Variants in FBLIM1 observed in about 807,000 individuals in gnomAD.
FBLIM1 encodes the protein filamin-binding LIM protein 1.
Under a neutral mutation model 37.4 loss-of-function variants are expected in FBLIM1, and 29 were observed. The observed-to-expected ratio is 0.77, with a 90% CI of 0.58 to 1.06. FBLIM1 has a LOEUF of 1.06. FBLIM1 is among the 50% of genes least tolerant of loss of function. FBLIM1 has a pLI of 0.00. For missense variants in FBLIM1, 449 were observed against 505.6 expected (o/e 0.89, Z 1.07); for synonymous variants, 193 against 199.0 (o/e 0.97, Z 0.25).
At chr1:15,773,211 C>A (rs1487895814) in intron 6 of FBLIM1, among the ~76,000 whole-genome samples, 1 of 151,966 alleles carries the variant, frequency 6.6e-6, no homozygotes, top group East Asian at 1.9e-4. Context: ...AATGGAAAAA[C>A]CCTGTCTCTA....
chr1:15,779,891 G>T (rs1011882340), intron 8 of FBLIM1, among the ~76,000 whole-genome samples: 3 of 151,854 alleles, frequency 2.0e-5, no homozygotes, highest in Non-Finnish European at 4.4e-5. Context: ...TTGTTTGTTT[G>T]TTTTTAATAG....
At chr1:15,757,147 G>A (rs145833082), upstream of FBLIM1, among the ~76,000 whole-genome samples, 532 of 152,298 alleles carry the variant, frequency 3.5e-3, 5 homozygotes, top group African/African-American at 0.012. The surrounding 1 kb of genome is among the most constrained non-coding windows in gnomAD (Gnocchi z 4.1). Context: ...AGCCGAGCAG[G>A]GACTCAGACA....
At chr1:15,762,171 C>G (rs1569706044) in intron 1 of FBLIM1, among the ~76,000 whole-genome samples, 1 of 151,808 alleles carries the variant, frequency 6.6e-6, no homozygotes, top group East Asian at 1.9e-4. Context: ...TCACTGCAAC[C>G]TCGCCTCCCA....
At chr1:15,779,357 T>A (rs2069578181) in intron 8 of FBLIM1, among the ~76,000 whole-genome samples, 1 of 152,154 alleles carries the variant, frequency 6.6e-6, no homozygotes, top group Non-Finnish European at 1.5e-5. Context: ...CAGGCTGGAG[T>A]GCACCAGTGC....
rs1199739420 is a variant in FBLIM1 at position 15,777,384 on chromosome 1, G to A, written c.1008+97G>A. ...ATGGGGACAGGTCAGGGTGGGGGCT[G>A]TACTCTCAAATTGCTCATTGTCTAG... On this transcript the variant is annotated intron_variant, in intron 8 of 8. Coordinates refer to ENST00000375766, the MANE Select transcript of FBLIM1 (RefSeq NM_017556.4). The A allele has an allele frequency of 6.7e-6, 5 of 747,976 alleles. No homozygotes were observed. The East Asian group carries it at 1.0e-4, about 16-fold the overall frequency. 46.3% of individuals were successfully genotyped at this position (747,976 alleles called of 1,614,324 possible). A position where few individuals can be genotyped will look rare whatever the true frequency, so the allele number is the denominator to read the frequency against.
At chr1:15,780,719 C>T (rs189172157) in intron 8 of FBLIM1, among the ~76,000 whole-genome samples, 3 of 152,188 alleles carry the variant, frequency 2.0e-5, no homozygotes, top group South Asian at 2.1e-4. Flanking sequence ...CTTACTCAGC[C>T]GATGAGTATT....
rs1204310046 is a variant in FBLIM1, at chr1:15,765,032, C to G, written c.49C>G (p.Leu17Val). 1 of 1,614,094 alleles carries G rather than the reference C, an allele frequency of 6.2e-7. No individual in the cohort carries two copies. The highest frequency in any genetic ancestry group is 1.7e-5 in the Admixed American group (1 of 60,022). ...GGTGGCATCGTCTGTCTTTATCACC[C>G]TGGCACCCCCGCGCCGCGATGTGGC... ...KRVASSVFIT[L>V]APPRRDVAVA... The change falls in exon 3 of 9, where the codon CTG becomes GTG. Residue 17 changes from leucine (L) to valine (V), a missense_variant. Physicochemically the swap from Leu to Val is conservative, Grantham distance 32. Transcript: ENST00000375766. This position sits in a 1 kb window ranked among gnomAD's most constrained non-coding sequence, Gnocchi z 5.9.
intron 8 of FBLIM1, among the ~76,000 whole-genome samples, chr1:15,782,763 G>A (rs2069674583): frequency 6.6e-6 from 1 of 151,352 alleles, no homozygotes; most frequent in Admixed American, 6.6e-5. Flanking sequence ...GGTCCCTACT[G>A]CATAAGGAGG....
At position 15,771,306 on chromosome 1, in the gene FBLIM1, G is replaced by A. The variant is rs186121434; in HGVS notation, c.711+728G>A. 3.0e-3 allele frequency among the ~76,000 whole-genome samples: 436 copies of A among 147,400 alleles called. 1 individual carries two copies. The highest frequency in any genetic ancestry group is 7.2e-3 in the Middle Eastern group (2 of 278). ...CTGTCACCCCAGCTGGAGTGCAGTC[G>A]TACAATCTCAGATCACTGCAACCTC... On this transcript the variant is annotated intron_variant, in intron 6 of 8. Transcript: ENST00000375766.
chr1:15,764,469 A>G (rs2068823317), intron 1 of FBLIM1, 27 bp from the exon 2 acceptor site: 1 of 157,758 alleles, frequency 6.3e-6, no homozygotes, highest in South Asian at 2.0e-4. Flanking sequence ...GCAGATCCTG[A>G]TCTGTTCTCT....
intron 1 of FBLIM1, among the ~76,000 whole-genome samples, chr1:15,762,800 C>CT: frequency 6.6e-6 from 1 of 152,334 alleles, no homozygotes; most frequent in South Asian, 2.1e-4. Flanking sequence ...TGCCCTGGGG[C>CT]TATCATCGCT....
Position 15,784,683 on chromosome 1 carries a change from C to T in FBLIM1, c.*22C>T. 1 of 1,603,452 alleles carries T rather than the reference C, an allele frequency of 6.2e-7. No homozygotes were observed. Among genetic ancestry groups the T allele is most frequent in the Non-Finnish European group, 8.5e-7 (1 of 1,171,032 alleles). On this transcript the variant is annotated 3_prime_UTR_variant, in exon 9 of 9. Transcript: ENST00000375766. ...CTGAGAGTGCCCGCTGGGCAGTGAA[C>T]AGACCACTAGCCCCGGCTGGGGCCC...
rs1440716778 is a variant in FBLIM1, at chr1:15,774,716, G to GA, written c.811dup (p.Thr271AsnfsTer9). On this transcript the variant is annotated frameshift_variant, in exon 7 of 9. Transcript: ENST00000375766. LOFTEE classifies it high-confidence loss of function. ...TCCACCCCTCCTGCTTCACGTGTGTGACCTGCGCCCGGTGCATTGGGGATG... is the reference window on the plus strand; with the variant it reads ...TCCACCCCTCCTGCTTCACGTGTGTGAACCTGCGCCCGGTGCATTGGGGATG... 7 of 1,614,020 alleles carry GA rather than the reference G, an allele frequency of 4.3e-6. No individual in the cohort carries two copies. The highest frequency in any genetic ancestry group is 5.9e-6 in the Non-Finnish European group (7 of 1,179,992).
chr1:15,773,507 C>T (rs888372067), intron 6 of FBLIM1, among the ~76,000 whole-genome samples: 1 of 150,938 alleles, frequency 6.6e-6, no homozygotes, highest in Non-Finnish European at 1.5e-5. Flanking sequence ...GGAGAAACCC[C>T]GTCTCTACTA....
At position 15,765,207 on chromosome 1, in the gene FBLIM1, C is replaced by T. The variant is rs2068859781; in HGVS notation, c.224C>T (p.Ala75Val). 2.5e-6 allele frequency: 4 copies of T among 1,613,558 alleles called. No homozygotes were observed. Among genetic ancestry groups the T allele is most frequent in the Non-Finnish European group, 3.4e-6 (4 of 1,179,800 alleles). ...GGCAGAGCTGCAGCCACAGTGCCGG[C>T]TGCACCTATGCAGCTCTTCAATGGA... ...TPGRAAATVP[A>V]APMQLFNGGC... The change falls in exon 3 of 9, where the codon GCT becomes GTT. Residue 75 changes from alanine to valine, a missense_variant. Coordinates refer to ENST00000375766, the MANE Select transcript of FBLIM1 (RefSeq NM_017556.4). This position sits in a 1 kb window ranked among gnomAD's most constrained non-coding sequence, Gnocchi z 5.9.
chr1:15,771,357 A>G (rs1044170176), intron 6 of FBLIM1, among the ~76,000 whole-genome samples: 2 of 145,816 alleles, frequency 1.4e-5, no homozygotes, highest in South Asian at 2.2e-4. Flanking sequence ...AGCAATTCCC[A>G]TGTCTCAGCC....
chr1:15,760,927 C>T (rs56025315), intron 1 of FBLIM1, among the ~76,000 whole-genome samples: 2,081 of 152,180 alleles, frequency 0.014, 22 homozygotes, highest in African/African-American at 0.033. Context: ...GGAGGGAAGC[C>T]GGGGCTCCCT....
chr1:15,781,718 G>GT (rs71002929), intron 8 of FBLIM1, among the ~76,000 whole-genome samples: 12,779 of 111,380 alleles, frequency 0.11, 1,295 homozygotes, highest in Non-Finnish European at 0.16. Flanking sequence ...AGGTAGTATT[G>GT]TTTTTTTTTT....
intron 1 of FBLIM1, among the ~76,000 whole-genome samples, chr1:15,759,249 C>T (rs1383334369): frequency 6.6e-6 from 1 of 152,208 alleles, no homozygotes; most frequent in Non-Finnish European, 1.5e-5. Context: ...CGGCTGCCTG[C>T]GGAGGGTCCC....
Sources: allele counts gnomAD v4.1 joint callset (sites outside exome capture counted in the v4.1 genomes callset), GRCh38; gene constraint gnomAD v4.1.1; non-coding constraint Gnocchi (gnomAD v3.1); transcripts MANE v1.5; gene names NCBI Gene and HGNC (gene_info 2026-07-23, HGNC 2026-07-21).